ANKRD33B: variants seen among roughly 807,000 people sequenced by gnomAD.
ANKRD33B encodes ankyrin repeat domain-containing protein 33B.
In ANKRD33B, 6 loss-of-function variants were observed where a neutral mutation model predicts 21.5. The observed-to-expected ratio is 0.28, with a 90% confidence interval of 0.15 to 0.55. The LOEUF (loss-of-function observed/expected upper bound fraction) is 0.55, where lower values mean the gene tolerates loss of function less well. Among genes scored for constraint, ANKRD33B ranks in the 20% least tolerant of loss-of-function variants. The pLI is 0.94. For synonymous variants in ANKRD33B, 347 were observed against 342.4 expected (o/e 1.01, Z -0.15); for missense variants, 698 against 747.2 (o/e 0.93, Z 0.77).
At chr5:10,604,353 G>A (rs1029603970) in intron 1 of ANKRD33B, among the ~76,000 whole-genome samples, 3 of 150,658 alleles carry the variant, frequency 2.0e-5, no homozygotes, top group East Asian at 3.9e-4. Context: ...CACCGCACCC[G>A]GCTAATTTTT....
At chr5:10,627,402 C>T (rs888280420) in intron 2 of ANKRD33B, 1 of 152,206 alleles carries the variant, frequency 6.6e-6, no homozygotes, top group Non-Finnish European at 1.5e-5. Flanking sequence ...TATAAGGAAC[C>T]TCTGATGTGT....
chr5:10,650,239 C>A lies in ANKRD33B; in HGVS notation c.*126C>A. 9.3e-7 allele frequency: 1 copy of A among 1,079,520 alleles called. No individual in the cohort carries two copies. Among genetic ancestry groups the A allele is most frequent in the Non-Finnish European group, 1.2e-6 (1 of 817,544 alleles). 66.9% of individuals were successfully genotyped at this position (1,079,520 alleles called of 1,614,324 possible). A position where few individuals can be genotyped will look rare whatever the true frequency, so the allele number is the denominator to read the frequency against. ...CCGCTCCATGGACCACGGGGCTGCG[C>A]GCATTTCCAGGCTGTTTGTCCAGGC... is the stretch of plus-strand genomic sequence containing the variant. On this transcript the variant is annotated 3_prime_UTR_variant, in exon 4 of 4. Coordinates refer to ENST00000296657, the MANE Select transcript of ANKRD33B (RefSeq NM_001164440.2).
At chr5:10,611,163 G>T (rs1228204412) in intron 1 of ANKRD33B, among the ~76,000 whole-genome samples, 1 of 152,080 alleles carries the variant, frequency 6.6e-6, no homozygotes, top group Non-Finnish European at 1.5e-5. Context: ...CCTCTGGGAG[G>T]GATGGAGAAG....
chr5:10,592,754 C>G lies in ANKRD33B; in HGVS notation c.367-25579C>G, dbSNP rs144829891. On this transcript the variant is annotated intron_variant, in intron 1 of 3. Transcript: ENST00000296657. ...TGTCTCTTGCCACTGTTCCCACTTT[C>G]ATTTCATCTGGCAGTCCCCTCCCTG... Among the ~76,000 whole-genome samples, 51 of 152,294 alleles carry G rather than the reference C, an allele frequency of 3.3e-4. No individual in the cohort carries two copies. The East Asian group carries it at 8.7e-3, about 26-fold the overall frequency.
chr5:10,565,337 C>T (rs1464894350), intron 1 of ANKRD33B, among the ~76,000 whole-genome samples: 13 of 152,256 alleles, frequency 8.5e-5, no homozygotes, highest in East Asian at 1.9e-4. Flanking sequence ...CAGATCGGCT[C>T]CTCCAGCCGC....
intron 1 of ANKRD33B, among the ~76,000 whole-genome samples, chr5:10,571,573 A>G (rs2936587): frequency 0.96 from 145,753 of 152,272 alleles, 70,057 homozygotes; most frequent in East Asian, 1. Flanking sequence ...TGTGCTTTTC[A>G]TTTCCTAGTC....
At chr5:10,587,290 G>A (rs990113597) in intron 1 of ANKRD33B, among the ~76,000 whole-genome samples, 17 of 152,062 alleles carry the variant, frequency 1.1e-4, no homozygotes, top group Non-Finnish European at 2.4e-4. Flanking sequence ...TAGTAATGAC[G>A]GGGTTTCACC....
At chr5:10,578,178 C>T (rs1379429602) in intron 1 of ANKRD33B, among the ~76,000 whole-genome samples, 2 of 152,192 alleles carry the variant, frequency 1.3e-5, no homozygotes, top group Non-Finnish European at 2.9e-5. Flanking sequence ...TTCTAGTTTG[C>T]CTGGGACTTT....
Position 10,656,044 on chromosome 5 carries a change from C to T in ANKRD33B, c.*5931C>T, listed in dbSNP as rs920737513. The T allele has an allele frequency of 3.5e-4, 54 of 152,268 alleles. No homozygotes were observed. Among genetic ancestry groups the T allele is most frequent in the African/African-American group, 1.2e-3 (49 of 41,422 alleles). The allele number at this position is 152,268 out of a possible 1,614,324, so 9.4% of individuals were successfully genotyped here. A position where few individuals can be genotyped will look rare whatever the true frequency, so the allele number is the denominator to read the frequency against. ...AGCTGCCGAGAGCTTACAACAAAAG[C>T]AGTTCCTCTCAAGACACTGCTTGCA... On this transcript the variant is annotated 3_prime_UTR_variant, in exon 4 of 4. Coordinates refer to ENST00000296657, the MANE Select transcript of ANKRD33B (RefSeq NM_001164440.2).
intron 3 of ANKRD33B, among the ~76,000 whole-genome samples, chr5:10,642,122 C>T (rs1161252164): frequency 6.6e-6 from 1 of 152,122 alleles, no homozygotes; most frequent in African/African-American, 2.4e-5. Context: ...AACTGCAAAC[C>T]TTTTTTAGGT....
intron 1 of ANKRD33B, among the ~76,000 whole-genome samples, chr5:10,572,475 G>A (rs1007538649): frequency 1.3e-5 from 2 of 152,214 alleles, no homozygotes; most frequent in African/African-American, 2.4e-5. Context: ...CTGTGATGTG[G>A]ATGTGGGTGT....
chr5:10,622,806 T>TGG (rs1560977690), intron 2 of ANKRD33B, among the ~76,000 whole-genome samples: 28 of 127,126 alleles, frequency 2.2e-4, no homozygotes, highest in Non-Finnish European at 2.9e-4. Flanking sequence ...TTATTTTATT[T>TGG]TATTTTTTTT....
intron 1 of ANKRD33B, among the ~76,000 whole-genome samples, chr5:10,610,225 C>G (rs916663867): frequency 2.6e-5 from 4 of 152,218 alleles, no homozygotes; most frequent in Non-Finnish European, 4.4e-5. Context: ...AGGACTTTGG[C>G]TCATGTTCTA....
In ANKRD33B at chr5:10,650,157, G is replaced by C; in HGVS notation, c.*44G>C. ...CTGGGGCCGGGGCTGGGGCCGGGGC[G>C]GGGCCGCAGGGCTGGGCGCGGAGAA... On this transcript the variant is annotated 3_prime_UTR_variant, in exon 4 of 4. Transcript: ENST00000296657. The C allele has an allele frequency of 7.0e-7, 1 of 1,418,702 alleles. No homozygotes were observed. The highest frequency in any genetic ancestry group is 9.2e-7 in the Non-Finnish European group (1 of 1,090,044). The allele number at this position is 1,418,702 out of a possible 1,614,324, so 87.9% of individuals were successfully genotyped here.
intron 1 of ANKRD33B, among the ~76,000 whole-genome samples, chr5:10,596,575 C>T (rs910974076): frequency 6.6e-5 from 10 of 152,106 alleles, no homozygotes; most frequent in African/African-American, 2.2e-4. Context: ...AACTGATTGG[C>T]GTACCTGAAA....
At chr5:10,609,790 T>C (rs961662662) in intron 1 of ANKRD33B, among the ~76,000 whole-genome samples, 4 of 149,446 alleles carry the variant, frequency 2.7e-5, no homozygotes, top group African/African-American at 1.0e-4. Flanking sequence ...GCACCTGTAA[T>C]CTCAGCTACT....
chr5:10,637,940 GTTTC>G, intron 2 of ANKRD33B, 84 bp from the exon 3 acceptor site: 25 of 1,448,608 alleles, frequency 1.7e-5, no homozygotes, highest in Non-Finnish European at 2.3e-5. Flanking sequence ...CTGACTCAGT[GTTTC>G]TTTCTCTCTC....
At chr5:10,640,417 A>G (rs1290006896) in intron 3 of ANKRD33B, among the ~76,000 whole-genome samples, 1 of 152,208 alleles carries the variant, frequency 6.6e-6, no homozygotes, top group African/African-American at 2.4e-5. Flanking sequence ...CCTAGAGGCT[A>G]TCCAGCTTCA....
At chr5:10,573,436 C>T (rs1170668796) in intron 1 of ANKRD33B, among the ~76,000 whole-genome samples, 1 of 150,030 alleles carries the variant, frequency 6.7e-6, no homozygotes, top group African/African-American at 2.5e-5. Flanking sequence ...CCACTGCACT[C>T]CAGCCTGGGC....
Sources: allele counts gnomAD v4.1 joint callset (sites outside exome capture counted in the v4.1 genomes callset), GRCh38; gene constraint gnomAD v4.1.1; transcripts MANE v1.5; gene names NCBI Gene and HGNC (gene_info 2026-07-23, HGNC 2026-07-21).